Variants in PRKG1 observed in about 807,000 individuals in gnomAD.
The protein encoded by PRKG1 is protein kinase cGMP-dependent 1.
In PRKG1, 35 loss-of-function variants were observed where a neutral mutation model predicts 88.1. The observed-to-expected ratio is 0.40, with a 90% CI of 0.30 to 0.53. The LOEUF is 0.53. Ranked by LOEUF, PRKG1 falls within the 20% of genes least tolerant of loss-of-function variation. The probability of loss-of-function intolerance (pLI) is 0.59; values close to 1 mark genes in which losing one functional copy is unlikely to be tolerated. For missense variants in PRKG1, 540 were observed against 839.8 expected (o/e 0.64, Z 4.41); for synonymous variants, 303 against 292.5 (o/e 1.04, Z -0.37).
chr10:51,109,299 G>T (rs149466637), intron 1 of PRKG1, among the ~76,000 whole-genome samples: 57 of 152,214 alleles, frequency 3.7e-4, no homozygotes, highest in African/African-American at 1.3e-3. Context: ...AAGAAAAAAG[G>T]TGGAGGACTA....
intron 5 of PRKG1, among the ~76,000 whole-genome samples, chr10:51,940,526 T>C (rs548810329): frequency 2.0e-5 from 3 of 152,026 alleles, no homozygotes; most frequent in Non-Finnish European, 4.4e-5. Context: ...ATGATGGCTA[T>C]ACTGGTTTTT....
chr10:51,603,313 T>A (rs1838666543), intron 3 of PRKG1, among the ~76,000 whole-genome samples: 1 of 152,156 alleles, frequency 6.6e-6, no homozygotes, highest in Admixed American at 6.5e-5. Flanking sequence ...ATTTTGGAGA[T>A]GGCCGGGACT....
chr10:51,622,275 C>A (rs1839228042), intron 3 of PRKG1, among the ~76,000 whole-genome samples: 1 of 152,180 alleles, frequency 6.6e-6, no homozygotes, highest in African/African-American at 2.4e-5. Context: ...AAGGATGAAA[C>A]TGGAGGCCTG....
chr10:52,116,263 A>G (rs1847684441), intron 7 of PRKG1, among the ~76,000 whole-genome samples: 1 of 152,172 alleles, frequency 6.6e-6, no homozygotes, highest in Admixed American at 6.6e-5. Context: ...CAGATAAACA[A>G]TGTATACGTG....
chr10:51,558,189 C>G (rs901782469), intron 3 of PRKG1, among the ~76,000 whole-genome samples: 1 of 151,982 alleles, frequency 6.6e-6, no homozygotes, highest in African/African-American at 2.4e-5. Context: ...TTAGTTTAGT[C>G]ATTTTCAATT....
chr10:51,967,581 A>G (rs1843603862), intron 5 of PRKG1, among the ~76,000 whole-genome samples: 1 of 152,128 alleles, frequency 6.6e-6, no homozygotes, highest in Non-Finnish European at 1.5e-5. Context: ...TTGTTTTCTA[A>G]ACTCCAGAGC....
At chr10:51,106,495 A>G (rs1844834346) in intron 1 of PRKG1, among the ~76,000 whole-genome samples, 1 of 152,190 alleles carries the variant, frequency 6.6e-6, no homozygotes, top group South Asian at 2.1e-4. Context: ...AACTTAAGTC[A>G]GCTTCATGGA....
chr10:51,107,493 C>T (rs952714747), intron 1 of PRKG1, among the ~76,000 whole-genome samples: 4 of 151,602 alleles, frequency 2.6e-5, no homozygotes, highest in African/African-American at 7.3e-5. Flanking sequence ...ATAGTAAAAA[C>T]AATATAAAAA....
At chr10:52,082,416 C>A (rs1402054068) in intron 7 of PRKG1, among the ~76,000 whole-genome samples, 1 of 152,142 alleles carries the variant, frequency 6.6e-6, no homozygotes, top group African/African-American at 2.4e-5. Flanking sequence ...TAACAGCCAG[C>A]TCTCTGTAGG....
intron 1 of PRKG1, among the ~76,000 whole-genome samples, chr10:51,022,205 A>G (rs2132736306): frequency 6.6e-6 from 1 of 152,276 alleles, no homozygotes. Context: ...GTTGTCAGTA[A>G]TCAGACTGTG....
chr10:51,211,678 A>T (rs542528006), intron 2 of PRKG1, among the ~76,000 whole-genome samples: 5 of 152,314 alleles, frequency 3.3e-5, no homozygotes, highest in Non-Finnish European at 7.4e-5. Flanking sequence ...AATAACAGAC[A>T]AACAGAGAGC....
chr10:51,072,591 G>T (rs1315004730), upstream of PRKG1, among the ~76,000 whole-genome samples: 5 of 152,056 alleles, frequency 3.3e-5, no homozygotes, highest in Non-Finnish European at 7.4e-5. Flanking sequence ...CATTGCAAAA[G>T]AAAATGTTTT....
chr10:51,138,099 A>C (rs956058201), intron 1 of PRKG1, among the ~76,000 whole-genome samples: 1 of 152,226 alleles, frequency 6.6e-6, no homozygotes, highest in Non-Finnish European at 1.5e-5. Context: ...TTTCAAAAGA[A>C]TGTAAGGTAT....
chr10:51,425,872 G>C (rs973113098), intron 2 of PRKG1, among the ~76,000 whole-genome samples: 1 of 152,174 alleles, frequency 6.6e-6, no homozygotes, highest in Admixed American at 6.5e-5. Flanking sequence ...ACTTTAGGTG[G>C]ATGTGTTTTT....
At chr10:51,993,582 C>T (rs1280218474) in intron 5 of PRKG1, among the ~76,000 whole-genome samples, 3 of 152,102 alleles carry the variant, frequency 2.0e-5, no homozygotes, top group Non-Finnish European at 4.4e-5. Context: ...ATTGGCAATG[C>T]CAGGATTCTG....
intron 3 of PRKG1, among the ~76,000 whole-genome samples, chr10:51,669,218 G>C (rs1390548359): frequency 6.6e-6 from 1 of 152,134 alleles, no homozygotes; most frequent in Non-Finnish European, 1.5e-5. Context: ...ATAGTTCTGA[G>C]GGCTGGAAGT....
At chr10:52,156,298 A>G (rs540633818) in intron 8 of PRKG1, among the ~76,000 whole-genome samples, 3 of 152,080 alleles carry the variant, frequency 2.0e-5, no homozygotes, top group Non-Finnish European at 1.5e-5. Flanking sequence ...ATTTTTATGC[A>G]CGCTATAGCC....
At position 52,054,476 on chromosome 10, in the gene PRKG1, C is replaced by T. The variant is rs777859336; in HGVS notation, c.763-8C>T. ...TTAATTTTTTTTCTTATTGTTTCTA[C>T]TTTTCAGACCCACTATGAAAATGGA... On this transcript the variant is annotated splice_region_variant and splice_polypyrimidine_tract_variant and intron_variant, in intron 5 of 17. Coordinates refer to ENST00000373980, the MANE Select transcript of PRKG1 (RefSeq NM_006258.4). The T allele has an allele frequency of 1.1e-5, 17 of 1,609,712 alleles. No individual in the cohort carries two copies. Among genetic ancestry groups the T allele is most frequent in the Non-Finnish European group, 1.4e-5 (16 of 1,176,846 alleles).
intron 5 of PRKG1, among the ~76,000 whole-genome samples, chr10:52,008,793 A>T (rs1487758635): frequency 6.6e-6 from 1 of 152,126 alleles, no homozygotes; most frequent in Non-Finnish European, 1.5e-5. Context: ...GCAAAATACT[A>T]GCAAAATGAA....
Sources: allele counts gnomAD v4.1 joint callset (sites outside exome capture counted in the v4.1 genomes callset), GRCh38; gene constraint gnomAD v4.1.1; transcripts MANE v1.5; gene names NCBI Gene and HGNC (gene_info 2026-07-23, HGNC 2026-07-21).